REPS1: variants seen among roughly 807,000 people sequenced by gnomAD.
The protein encoded by REPS1 is ralBP1-associated Eps domain-containing protein 1.
Under a neutral mutation model 100.9 loss-of-function variants are expected in REPS1, and 39 were observed. That is an observed-to-expected ratio of 0.39 (90% CI 0.30 to 0.50). The LOEUF is 0.50. Ranked by LOEUF, REPS1 falls within the 20% of genes least tolerant of loss-of-function variation. The pLI is 0.86. For missense variants in REPS1, 821 were observed against 968.5 expected, an observed-to-expected ratio of 0.85 and a Z score of 2.02; for synonymous variants, 324 against 340.3, an observed-to-expected ratio of 0.95 and a Z score of 0.53.
intron 1 of REPS1, among the ~76,000 whole-genome samples, chr6:138,948,238 G>C (rs1206694091): frequency 6.6e-6 from 1 of 152,074 alleles, no homozygotes; most frequent in African/African-American, 2.4e-5. Context: ...ACATACAATA[G>C]GACCATGTGA....
chr6:138,931,319 C>T (rs1042228836), intron 8 of REPS1, among the ~76,000 whole-genome samples: 2 of 152,176 alleles, frequency 1.3e-5, no homozygotes, highest in Admixed American at 6.5e-5. Context: ...TACATACGGG[C>T]ACTCAGGTAT....
chr6:138,931,903 A>G (rs1292781036), intron 8 of REPS1, among the ~76,000 whole-genome samples: 2 of 152,224 alleles, frequency 1.3e-5, no homozygotes, highest in African/African-American at 4.8e-5. Flanking sequence ...GATTCCCCAA[A>G]GCAGGTGAGT....
intron 1 of REPS1, among the ~76,000 whole-genome samples, chr6:138,982,395 AATG>A (rs1785003181): frequency 6.6e-6 from 1 of 152,276 alleles, no homozygotes; most frequent in African/African-American, 2.4e-5. Context: ...TACAAACCTC[AATG>A]AAAGAACAGT....
intron 8 of REPS1, among the ~76,000 whole-genome samples, chr6:138,930,894 G>A (rs1781444909): frequency 1.3e-5 from 2 of 152,170 alleles, no homozygotes; most frequent in South Asian, 2.1e-4. Context: ...TTTCAAAATG[G>A]TTTTTAAAGT....
intron 1 of REPS1, among the ~76,000 whole-genome samples, chr6:138,961,466 C>T (rs1460305988): frequency 2.6e-5 from 4 of 152,032 alleles, no homozygotes; most frequent in African/African-American, 9.7e-5. Flanking sequence ...ACCTCGTGAT[C>T]CACCTGCCTC....
At chr6:138,921,976 A>AGTGTGTGT (rs71895504) in intron 10 of REPS1, among the ~76,000 whole-genome samples, 161 of 148,612 alleles carry the variant, frequency 1.1e-3, no homozygotes, top group East Asian at 3.8e-3. Context: ...CATCTCAAAA[A>AGTGTGTGT]GTGTGTGTGT....
chr6:138,906,121 A>G (rs1412900364), intron 19 of REPS1, among the ~76,000 whole-genome samples: 1 of 152,198 alleles, frequency 6.6e-6, no homozygotes, highest in Non-Finnish European at 1.5e-5. Context: ...TTTCATCTTC[A>G]TGGTATTATA....
intron 8 of REPS1, 57 bp downstream of exon 8, chr6:138,941,273 TCAGAA>T: frequency 6.5e-7 from 1 of 1,546,690 alleles, no homozygotes; most frequent in Non-Finnish European, 8.8e-7. Context: ...GATTTTTCTT[TCAGAA>T]TCAAGCATTA....
At chr6:138,911,438 T>C in intron 16 of REPS1, 67 bp from the exon 17 acceptor site, 2 of 1,021,352 alleles carry the variant, frequency 2.0e-6, no homozygotes, top group South Asian at 2.7e-5. Context: ...ATATAGAATA[T>C]GTACCAAATC....
rs139197847 is a variant in REPS1, at chr6:138,970,433, T to A, written c.153+17097A>T. 1.2e-4 allele frequency among the ~76,000 whole-genome samples: 15 copies of A among 130,194 alleles called. No individual in the cohort carries two copies. The East Asian group carries it at 2.5e-3, about 22-fold the overall frequency. 85.4% of individuals were successfully genotyped at this position (130,194 alleles called of 152,430 possible). ...AGGTCACTGGATTTGGTGATCAGGATAACAATGAACTTTAAGAATATCTTA... is the reference window on the plus strand; with the variant it reads ...AGGTCACTGGATTTGGTGATCAGGAAAACAATGAACTTTAAGAATATCTTA... On this transcript the variant is annotated intron_variant, in intron 1 of 19. Transcript: ENST00000450536.
At chr6:138,969,859 ATTTTTTTTTTTTT>A (rs56070030) in intron 1 of REPS1, among the ~76,000 whole-genome samples, 1 of 94,636 alleles carries the variant, frequency 1.1e-5, no homozygotes, top group South Asian at 4.4e-4. Flanking sequence ...GTGAATTGGG[ATTTTTTTTTTTTT>A]TTTTTTTTTT....
Position 138,945,253 on chromosome 6 carries a change from C to T in REPS1, c.594G>A (p.Gly198=), listed in dbSNP as rs147632182. ...GNSERPLAGP[G]PFWSPFGEAQ... ...CTTCACCAAAGGGAGACCAAAATGG[C>T]CCAGGTCCCGCGAGAGGCCTCTCAC... The change falls in exon 4 of 20, where the codon GGG becomes GGA. Residue 198 remains glycine, a synonymous_variant. Transcript: ENST00000450536. 1.2e-4 allele frequency: 200 copies of T among 1,610,414 alleles called. No homozygotes were observed. The highest frequency in any genetic ancestry group is 2.2e-4 in the Middle Eastern group (1 of 4,504).
chr6:138,969,984 G>A (rs1230167918), intron 1 of REPS1, among the ~76,000 whole-genome samples: 2 of 149,402 alleles, frequency 1.3e-5, no homozygotes, highest in Non-Finnish European at 1.5e-5. Flanking sequence ...GTCAATGCAA[G>A]GACTGTAGTG....
chr6:138,945,265 G>A lies in REPS1; in HGVS notation c.582C>T (p.Leu194=), dbSNP rs1569238. 0.036 allele frequency: 58,354 copies of A among 1,610,812 alleles called. 3,361 individuals carry two copies. The highest frequency in any genetic ancestry group is 0.22 in the East Asian group (9,771 of 44,744). Residue 194 remains leucine (L), a synonymous_variant, in exon 4 of 20, where the codon CTC becomes CTT. Coordinates refer to ENST00000450536, the MANE Select transcript of REPS1 (RefSeq NM_001286611.2). The stretch of plus-strand genomic sequence containing the variant: ...GAGACCAAAATGGCCCAGGTCCCGC[G>A]AGAGGCCTCTCACTATTCCCACCGC... ...HPSGGNSERP[L]AGPGPFWSPF...
intron 1 of REPS1, among the ~76,000 whole-genome samples, chr6:138,969,377 A>T (rs1323816574): frequency 7.0e-6 from 1 of 143,578 alleles, no homozygotes; most frequent in Non-Finnish European, 1.5e-5. Context: ...CTGCATCCTC[A>T]ACCTCCTTAG....
intron 13 of REPS1, among the ~76,000 whole-genome samples, chr6:138,916,466 C>A (rs1331456432): frequency 6.6e-6 from 1 of 151,876 alleles, no homozygotes; most frequent in Admixed American, 6.6e-5. Flanking sequence ...GGTGATCCGC[C>A]CACCTTAGCC....
chr6:138,922,138 CTAAG>C (rs949588171), intron 10 of REPS1, among the ~76,000 whole-genome samples: 1 of 152,154 alleles, frequency 6.6e-6, no homozygotes, highest in African/African-American at 2.4e-5. Flanking sequence ...AATCCAAAAT[CTAAG>C]TAACAGACTG....
chr6:138,962,147 C>A (rs941188707), intron 1 of REPS1, among the ~76,000 whole-genome samples: 1 of 151,942 alleles, frequency 6.6e-6, no homozygotes, highest in African/African-American at 2.4e-5. Flanking sequence ...AAGGTATTCA[C>A]AATACTGGAA....
At chr6:138,953,461 C>G (rs956435703) in intron 1 of REPS1, among the ~76,000 whole-genome samples, 4 of 151,902 alleles carry the variant, frequency 2.6e-5, no homozygotes, top group African/African-American at 9.7e-5. Flanking sequence ...AGATTAATAT[C>G]TAAAATATAC....
Sources: gnomAD v4.1 joint callset for allele counts (sites outside exome capture counted in the v4.1 genomes callset) on GRCh38, gnomAD v4.1.1 for gene constraint, MANE v1.5 for transcripts, NCBI Gene and HGNC (gene_info 2026-07-23, HGNC 2026-07-21) for gene names.